Variants in CAMK2D observed in about 807,000 individuals in gnomAD.
CAMK2D encodes calcium/calmodulin dependent protein kinase II delta.
A neutral mutation model predicts 84.0 loss-of-function variants in CAMK2D; 37 were observed. That is an observed-to-expected ratio of 0.44 (90% confidence interval 0.34 to 0.58). The LOEUF is 0.58. Ranked by LOEUF, CAMK2D falls within the 20% of genes least tolerant of loss-of-function variation. CAMK2D has a pLI of 0.02. For synonymous variants in CAMK2D, 202 were observed against 212.5 expected (o/e 0.95, Z 0.43); for missense variants, 448 against 652.5 (o/e 0.69, Z 3.41).
At chr4:113,537,177 A>ATATAATTTATTTAATT (rs773778428) in intron 7 of CAMK2D, among the ~76,000 whole-genome samples, 164 bp downstream of exon 7, 5 of 151,782 alleles carry the variant, frequency 3.3e-5, no homozygotes, top group Non-Finnish European at 7.4e-5. Flanking sequence ...ATAACCTTTT[A>ATATAATTTATTTAATT]TGTCAACAAA....
intron 4 of CAMK2D, among the ~76,000 whole-genome samples, chr4:113,586,175 T>A (rs963562117): frequency 6.6e-6 from 1 of 152,214 alleles, no homozygotes; most frequent in Admixed American, 6.5e-5. Context: ...GTGAGAGTAA[T>A]TGGTTCAAGG....
intron 4 of CAMK2D, among the ~76,000 whole-genome samples, chr4:113,559,230 G>A (rs116509710): frequency 0.014 from 2,056 of 152,236 alleles, 48 homozygotes; most frequent in East Asian, 0.11. Flanking sequence ...TGAATACACA[G>A]AGGAATTATG....
chr4:113,491,930 G>A (rs2097849666), intron 16 of CAMK2D, among the ~76,000 whole-genome samples: 1 of 152,196 alleles, frequency 6.6e-6, no homozygotes, highest in Non-Finnish European at 1.5e-5. Flanking sequence ...TATTTGCGTA[G>A]AGCTGTTTGT....
chr4:113,665,093 C>A (rs1461544647), intron 2 of CAMK2D, among the ~76,000 whole-genome samples: 2 of 152,160 alleles, frequency 1.3e-5, no homozygotes, highest in Admixed American at 6.5e-5. Flanking sequence ...CATGAGCCAC[C>A]GTGCCCAGCC....
intron 4 of CAMK2D, among the ~76,000 whole-genome samples, chr4:113,581,512 A>AT: frequency 2.0e-5 from 2 of 98,482 alleles, no homozygotes; most frequent in African/African-American, 8.7e-5. Context: ...AAACTTTCTC[A>AT]TAAAAAAAAA....
At position 113,460,175 on chromosome 4, in the gene CAMK2D, C is replaced by G. The variant is rs770752204; in HGVS notation, c.1278G>C (p.Met426Ile). 4.5e-5 allele frequency: 72 copies of G among 1,599,764 alleles called. No homozygotes were observed. The highest frequency in any genetic ancestry group is 6.1e-5 in the Non-Finnish European group (71 of 1,167,658). ...TTTCAAAGTAGAATCGGTGAAAATC[C>G]ATCCCTTCCACTAAATTACCCAAAG... ...PEALGNLVEG[M>I]DFHRFYFENA... The change falls in exon 18 of 21, where the codon ATG (methionine) becomes ATC (isoleucine). Residue 426 changes from methionine to isoleucine, a missense_variant. Physicochemically the swap from Met to Ile is conservative, Grantham distance 10 (BLOSUM62 1). Transcript: ENST00000511664.
At chr4:113,734,908 A>G (rs1297248751) in intron 2 of CAMK2D, among the ~76,000 whole-genome samples, 2 of 151,898 alleles carry the variant, frequency 1.3e-5, no homozygotes, top group South Asian at 2.1e-4. Flanking sequence ...AAAAAAAAAA[A>G]AAGAAGCAGA....
intron 6 of CAMK2D, among the ~76,000 whole-genome samples, chr4:113,543,695 A>G (rs527779332): frequency 1.3e-5 from 2 of 152,224 alleles, no homozygotes; most frequent in South Asian, 4.1e-4. Context: ...TGAACTTTAA[A>G]CCACCAATTC....
intron 2 of CAMK2D, among the ~76,000 whole-genome samples, chr4:113,684,557 G>A (rs1002308169): frequency 6.6e-6 from 1 of 152,128 alleles, no homozygotes; most frequent in African/African-American, 2.4e-5. Flanking sequence ...TCAGAACAAG[G>A]GAAGAAGATG....
chr4:113,534,231 T>C (rs770097817), intron 7 of CAMK2D, among the ~76,000 whole-genome samples: 1 of 152,142 alleles, frequency 6.6e-6, no homozygotes, highest in Non-Finnish European at 1.5e-5. Context: ...ATGCCTTTAC[T>C]CCTAATACTT....
At chr4:113,534,474 A>G (rs2098477077) in intron 7 of CAMK2D, among the ~76,000 whole-genome samples, 3 of 152,242 alleles carry the variant, frequency 2.0e-5, no homozygotes, top group African/African-American at 7.2e-5. Flanking sequence ...TACCTTAACA[A>G]TAACTTAATT....
intron 2 of CAMK2D, among the ~76,000 whole-genome samples, chr4:113,686,750 C>A (rs562773586): frequency 6.6e-6 from 1 of 152,052 alleles, no homozygotes; most frequent in Non-Finnish European, 1.5e-5. Flanking sequence ...TATTTCTCAA[C>A]GAGAGCCATT....
chr4:113,607,012 C>T (rs1305990398), intron 4 of CAMK2D, among the ~76,000 whole-genome samples: 4 of 152,068 alleles, frequency 2.6e-5, no homozygotes, highest in African/African-American at 4.8e-5. Context: ...GAACTCTCAA[C>T]CTGGATTCTA....
chr4:113,574,639 T>C (rs2098771570), intron 4 of CAMK2D, among the ~76,000 whole-genome samples: 1 of 152,230 alleles, frequency 6.6e-6, no homozygotes, highest in African/African-American at 2.4e-5. Context: ...TTTTCAACCA[T>C]ATGTCTACAT....
At chr4:113,697,878 G>GCTCA (rs2099407499) in intron 2 of CAMK2D, among the ~76,000 whole-genome samples, 1 of 152,152 alleles carries the variant, frequency 6.6e-6, no homozygotes. Context: ...CTTCCTTTCT[G>GCTCA]CTCACAAAAC....
intron 17 of CAMK2D, among the ~76,000 whole-genome samples, chr4:113,464,967 A>C (rs112064460): frequency 6.6e-6 from 1 of 152,310 alleles, no homozygotes; most frequent in Non-Finnish European, 1.5e-5. Flanking sequence ...GTGGTTATAC[A>C]TCTGTATATT....
chr4:113,455,633 C>T, intron 20 of CAMK2D, 93 bp downstream of exon 20: 1 of 670,516 alleles, frequency 1.5e-6, no homozygotes, highest in Admixed American at 2.5e-5. Context: ...GAATATTATG[C>T]AATAAAAAAT....
intron 14 of CAMK2D, among the ~76,000 whole-genome samples, chr4:113,504,013 A>G (rs2098092729): frequency 6.6e-6 from 1 of 152,116 alleles, no homozygotes; most frequent in Admixed American, 6.6e-5. Flanking sequence ...TACAGCTGTG[A>G]TCAACATTGT....
At chr4:113,595,694 C>G (rs1272930939) in intron 4 of CAMK2D, among the ~76,000 whole-genome samples, 1 of 152,162 alleles carries the variant, frequency 6.6e-6, no homozygotes, top group African/African-American at 2.4e-5. Flanking sequence ...ATACCATGGT[C>G]TATTAAATGT....
Sources: allele counts gnomAD v4.1 joint callset (sites outside exome capture counted in the v4.1 genomes callset), GRCh38; gene constraint gnomAD v4.1.1; transcripts MANE v1.5; gene names NCBI Gene and HGNC (gene_info 2026-07-23, HGNC 2026-07-21).